Variants in LCMT1 observed in about 807,000 individuals in gnomAD.
LCMT1 encodes leucine carboxyl methyltransferase 1.
Under a neutral mutation model 47.7 loss-of-function variants are expected in LCMT1, and 32 were observed. The observed-to-expected ratio is 0.67, with a 90% CI of 0.51 to 0.90. The LOEUF is 0.90. Ranked by LOEUF, LCMT1 falls within the 40% of genes least tolerant of loss-of-function variation. The pLI is 0.00. For missense variants in LCMT1, 375 were observed against 415.2 expected, an observed-to-expected ratio of 0.90 and a Z score of 0.84; for synonymous variants, 152 against 149.7, an observed-to-expected ratio of 1.02 and a Z score of -0.11.
At chr16:25,122,586 C>T (rs1314254649) in intron 1 of LCMT1, among the ~76,000 whole-genome samples, 1 of 152,010 alleles carries the variant, frequency 6.6e-6, no homozygotes, top group East Asian at 1.9e-4. Flanking sequence ...TCCTTGACCT[C>T]CCAAAGTGTT....
rs182687590 is a variant in LCMT1 at position 25,136,797 on chromosome 16, C to T, written c.328-3374C>T. Among the ~76,000 whole-genome samples the T allele has an allele frequency of 4.5e-4, 69 of 152,178 alleles. No individual in the cohort carries two copies. In the East Asian group the frequency reaches 9.9e-3, roughly 22 times the overall value. ...CAAGTGATCCACCACCCTCAGCCTC[C>T]TAAAGTGCAGGGATTACAGATGTGA... is the stretch of plus-strand genomic sequence containing the variant. On this transcript the variant is annotated intron_variant, in intron 3 of 10. Transcript: ENST00000399069.
intron 3 of LCMT1, among the ~76,000 whole-genome samples, chr16:25,133,614 C>T (rs888018541): frequency 6.7e-6 from 1 of 149,840 alleles, no homozygotes; most frequent in African/African-American, 2.4e-5. Context: ...GGCCAGGCTG[C>T]TCACAATCTT....
At chr16:25,121,795 T>C (rs1959998425) in intron 1 of LCMT1, among the ~76,000 whole-genome samples, 1 of 152,190 alleles carries the variant, frequency 6.6e-6, no homozygotes, top group Non-Finnish European at 1.5e-5. Flanking sequence ...TTGGTCCTGC[T>C]TTTGACATGT....
At chr16:25,153,592 C>T (rs1339653707) in intron 5 of LCMT1, among the ~76,000 whole-genome samples, 3 of 150,352 alleles carry the variant, frequency 2.0e-5, no homozygotes, top group African/African-American at 4.9e-5. Context: ...TCCAACACAA[C>T]GAACTTCGGA....
At chr16:25,177,878 G>A in intron 10 of LCMT1, 123 bp from the exon 11 acceptor site, 1 of 777,432 alleles carries the variant, frequency 1.3e-6, no homozygotes, top group African/African-American at 1.7e-5. Flanking sequence ...GTAGCAGGAG[G>A]GCGGTGCTAC....
At chr16:25,164,462 C>T in intron 6 of LCMT1, 136 bp from the exon 7 acceptor site, 1 of 901,060 alleles carries the variant, frequency 1.1e-6, no homozygotes, top group South Asian at 1.6e-5. Context: ...CCTGTCCTGA[C>T]TGGGGCTGTG....
intron 2 of LCMT1, among the ~76,000 whole-genome samples, chr16:25,130,947 T>G (rs983241808): frequency 6.6e-6 from 1 of 152,238 alleles, no homozygotes; most frequent in Admixed American, 6.5e-5. Context: ...TCAGCTCCAT[T>G]CTGGCTTAGC....
At chr16:25,112,292 A>G (rs1039200215) in intron 1 of LCMT1, among the ~76,000 whole-genome samples, 7 of 152,216 alleles carry the variant, frequency 4.6e-5, no homozygotes, top group African/African-American at 1.7e-4. Flanking sequence ...TGCTGGAAAG[A>G]CAGACATGAA....
intron 7 of LCMT1, 149 bp downstream of exon 7, chr16:25,164,867 G>A: frequency 9.6e-7 from 1 of 1,039,680 alleles, no homozygotes; most frequent in Non-Finnish European, 1.4e-6. Flanking sequence ...AGCAATCTTA[G>A]TACTCCTGAC....
chr16:25,133,936 G>A (rs1318857837), intron 3 of LCMT1, among the ~76,000 whole-genome samples: 1 of 151,494 alleles, frequency 6.6e-6, no homozygotes, highest in African/African-American at 2.4e-5. Flanking sequence ...GGAGGCTGAG[G>A]CAGGAGAATT....
chr16:25,132,239 AT>A (rs1960369091), intron 2 of LCMT1, 162 bp from the exon 3 acceptor site: 69 of 784,620 alleles, frequency 8.8e-5, no homozygotes, highest in African/African-American at 8.8e-4. Context: ...AAAAAAAAAA[AT>A]TTGAAAGTTG....
chr16:25,153,452 G>T (rs1961139350), intron 5 of LCMT1, among the ~76,000 whole-genome samples: 1 of 150,852 alleles, frequency 6.6e-6, no homozygotes, highest in Non-Finnish European at 1.5e-5. Flanking sequence ...GAGAGGTGAA[G>T]GGGTGCAGAC....
At chr16:25,127,688 C>G (rs1449635196) in intron 1 of LCMT1, among the ~76,000 whole-genome samples, 1 of 152,216 alleles carries the variant, frequency 6.6e-6, no homozygotes, top group Non-Finnish European at 1.5e-5. Context: ...AAGCCTGACT[C>G]AAATTGGCTA....
chr16:25,120,523 C>G (rs1959941648), intron 1 of LCMT1, among the ~76,000 whole-genome samples: 1 of 151,424 alleles, frequency 6.6e-6, no homozygotes, highest in South Asian at 2.1e-4. Context: ...CTCCCAGGTT[C>G]AAGCGATTCT....
Position 25,152,122 on chromosome 16 carries a change from C to T in LCMT1, c.466+507C>T, listed in dbSNP as rs1044105251. ...AGAGGACACAAAAACCCACATCTTT[C>T]GGAGACTGGCCAGAACCACTCCCTG... On this transcript the variant is annotated intron_variant, in intron 5 of 10. Coordinates refer to ENST00000399069, the MANE Select transcript of LCMT1 (RefSeq NM_016309.3). Among the ~76,000 whole-genome samples, 6 of 152,112 alleles carry T rather than the reference C, an allele frequency of 3.9e-5. No homozygotes were observed. In the South Asian group the frequency reaches 1.0e-3, roughly 26 times the overall value.
At chr16:25,150,925 A>G (rs1406818645) in intron 4 of LCMT1, among the ~76,000 whole-genome samples, 2 of 152,150 alleles carry the variant, frequency 1.3e-5, no homozygotes, top group South Asian at 2.1e-4. Context: ...GGGAACTGCA[A>G]AGTACTGGCT....
At chr16:25,120,731 G>GTTTTTTT (rs1434579218) in intron 1 of LCMT1, among the ~76,000 whole-genome samples, 15 of 132,466 alleles carry the variant, frequency 1.1e-4, no homozygotes, top group African/African-American at 3.8e-4. Flanking sequence ...ACCTGGCCTT[G>GTTTTTTT]TTTTTTTGTT....
chr16:25,165,253 A>G (rs998724075), intron 7 of LCMT1, among the ~76,000 whole-genome samples: 2 of 152,216 alleles, frequency 1.3e-5, no homozygotes, highest in African/African-American at 4.8e-5. Context: ...TTTTAATGTA[A>G]AATATTCTAA....
intron 2 of LCMT1, among the ~76,000 whole-genome samples, chr16:25,130,924 G>A (rs1206907579): frequency 6.6e-6 from 1 of 152,208 alleles, no homozygotes; most frequent in Non-Finnish European, 1.5e-5. Context: ...GAGTATGCAG[G>A]AAAGGTAGTC....
Sources: allele counts gnomAD v4.1 joint callset (sites outside exome capture counted in the v4.1 genomes callset), GRCh38; gene constraint gnomAD v4.1.1; transcripts MANE v1.5; gene names NCBI Gene and HGNC (gene_info 2026-07-23, HGNC 2026-07-21).